SIK2: variants seen among roughly 807,000 people sequenced by gnomAD.
SIK2 encodes the protein serine/threonine-protein kinase SIK2.
SIK2 carries 29 observed loss-of-function variants against 103.2 expected under a neutral mutation model. The ratio of observed to expected loss-of-function variants is 0.28; its 90% CI spans 0.21 to 0.38. SIK2 has a LOEUF of 0.38. Among genes scored for constraint, SIK2 ranks in the 10% least tolerant of loss-of-function variants. SIK2 has a pLI of 1.00. For synonymous variants in SIK2, 412 were observed against 446.1 expected, an observed-to-expected ratio of 0.92 and a Z score of 0.96; for missense variants, 879 against 1,171.0, an observed-to-expected ratio of 0.75 and a Z score of 3.64.
chr11:111,722,055 T>C lies in SIK2; in HGVS notation c.2055+115T>C, dbSNP rs1294700960. On this transcript the variant is annotated intron_variant, in intron 13 of 14. Transcript: ENST00000304987. This position sits in a 1 kb window ranked among gnomAD's most constrained non-coding sequence, Gnocchi z 4.4. Reference sequence around the variant, plus strand: ...TTTAGGGTAGCTGCTTGATTCCTTATAGGCAAGTAGCTTTGACTCTGTACT... The same window carrying C: ...TTTAGGGTAGCTGCTTGATTCCTTACAGGCAAGTAGCTTTGACTCTGTACT... 1.5e-6 allele frequency: 1 copy of C among 682,778 alleles called. No individual in the cohort carries two copies. The highest frequency in any genetic ancestry group is 2.3e-6 in the Non-Finnish European group (1 of 435,854). The allele number at this position is 682,778 out of a possible 1,614,324, so 42.3% of individuals were successfully genotyped here.
Position 111,727,177 on chromosome 11 carries a change from C to T in SIK2, c.*3048C>T, listed in dbSNP as rs570888382. On this transcript the variant is annotated 3_prime_UTR_variant, in exon 15 of 15. Transcript: ENST00000304987. ...CTCTGCCTGCACTGCCTTCTGTCAC[C>T]GTGGGAAAAGGAGGCTGATGGTTCT... 3.2e-4 allele frequency: 257 copies of T among 812,630 alleles called. 1 individual carries two copies. In the African/African-American group the frequency reaches 3.7e-3, roughly 12 times the overall value. 50.3% of individuals were successfully genotyped at this position (812,630 alleles called of 1,614,324 possible).
At chr11:111,635,554 C>T (rs1489522874) in intron 3 of SIK2, among the ~76,000 whole-genome samples, 1 of 151,858 alleles carries the variant, frequency 6.6e-6, no homozygotes, top group Non-Finnish European at 1.5e-5. Flanking sequence ...CAACTTTCTA[C>T]GCCTAAATAG....
chr11:111,709,520 A>C lies in SIK2; in HGVS notation c.1102-2691A>C, dbSNP rs566387068. ...CCAAAGAAGAGATTCAAAGCACTAA[A>C]CATGTGGTCTAAAGAGTGATCACAA... On this transcript the variant is annotated intron_variant, in intron 8 of 14. Transcript: ENST00000304987. Among the ~76,000 whole-genome samples the C allele has an allele frequency of 2.0e-5, 3 of 152,376 alleles. No homozygotes were observed. The East Asian group carries it at 5.8e-4, about 29-fold the overall frequency.
intron 3 of SIK2, chr11:111,672,141 G>A (rs559125592): frequency 9.1e-6 from 4 of 441,774 alleles, no homozygotes; most frequent in East Asian, 1.1e-4. Context: ...GGATGTTGGG[G>A]TCCACTTCCA....
chr11:111,670,528 G>T (rs998692414), intron 3 of SIK2, among the ~76,000 whole-genome samples: 1 of 152,234 alleles, frequency 6.6e-6, no homozygotes, highest in African/African-American at 2.4e-5. Flanking sequence ...AAGTTTAATG[G>T]TCCGCAAAAT....
At chr11:111,716,688 C>G (rs1348333998) in intron 9 of SIK2, among the ~76,000 whole-genome samples, 2 of 152,182 alleles carry the variant, frequency 1.3e-5, no homozygotes, top group Non-Finnish European at 2.9e-5. Context: ...TAATAAAAGA[C>G]ATAATTCCTC....
intron 3 of SIK2, among the ~76,000 whole-genome samples, chr11:111,640,240 G>A (rs931376722): frequency 3.9e-5 from 6 of 152,156 alleles, no homozygotes; most frequent in African/African-American, 1.4e-4. Context: ...CCAGTTGCTA[G>A]TCCATCAGTT....
At chr11:111,639,525 T>C (rs1418830326) in intron 3 of SIK2, among the ~76,000 whole-genome samples, 1 of 152,240 alleles carries the variant, frequency 6.6e-6, no homozygotes, top group African/African-American at 2.4e-5. Context: ...TTAAATCCGA[T>C]TCATGTTACA....
chr11:111,654,143 G>T (rs1469074686), intron 3 of SIK2, among the ~76,000 whole-genome samples: 1 of 152,104 alleles, frequency 6.6e-6, no homozygotes, highest in East Asian at 1.9e-4. Flanking sequence ...CCTTCCTAAG[G>T]GAATTTCTTT....
rs1941595985 is a variant in SIK2, at chr11:111,602,512, C to T, written c.-52C>T. The stretch of plus-strand genomic sequence containing the variant: ...CGCCCAAGCCAAGCCGCGCTGCCAA[C>T]CCTCCCGCCCGCCCGCGCTCCTGTC... On this transcript the variant is annotated 5_prime_UTR_variant, in exon 1 of 15. Coordinates refer to ENST00000304987, the MANE Select transcript of SIK2 (RefSeq NM_015191.3). This position sits in a 1 kb window ranked among gnomAD's most constrained non-coding sequence, Gnocchi z 4.5. The T allele has an allele frequency of 2.8e-6, 4 of 1,420,280 alleles. No individual in the cohort carries two copies. The South Asian group carries it at 5.9e-5, about 21-fold the overall frequency. The allele number at this position is 1,420,280 out of a possible 1,614,324, so 88.0% of individuals were successfully genotyped here. A position where few individuals can be genotyped will look rare whatever the true frequency, so the allele number is the denominator to read the frequency against.
rs1941804452 is a variant in SIK2 at position 111,616,229 on chromosome 11, G to T, written c.136-14G>T. 6.5e-7 allele frequency: 1 copy of T among 1,540,076 alleles called. No homozygotes were observed. ...TTGTATACTAATTGTATTTATTTGT[G>T]TTCTGGGATGCAGGTGGCAATAAAA... On this transcript the variant is annotated splice_polypyrimidine_tract_variant and intron_variant, in intron 1 of 14. Coordinates refer to ENST00000304987, the MANE Select transcript of SIK2 (RefSeq NM_015191.3).
intron 3 of SIK2, among the ~76,000 whole-genome samples, chr11:111,643,378 G>C (rs1487427988): frequency 1.3e-5 from 2 of 151,938 alleles, no homozygotes; most frequent in African/African-American, 2.4e-5. Context: ...AAACCTAGAT[G>C]ATGGGTTGAT....
chr11:111,722,032 T>C lies in SIK2; in HGVS notation c.2055+92T>C. 1 of 964,268 alleles carries C rather than the reference T, an allele frequency of 1.0e-6. No individual in the cohort carries two copies. The highest frequency in any genetic ancestry group is 1.5e-6 in the Non-Finnish European group (1 of 676,092). 59.7% of individuals were successfully genotyped at this position (964,268 alleles called of 1,614,324 possible). On this transcript the variant is annotated intron_variant, in intron 13 of 14. Coordinates refer to ENST00000304987, the MANE Select transcript of SIK2 (RefSeq NM_015191.3). This position sits in a 1 kb window ranked among gnomAD's most constrained non-coding sequence, Gnocchi z 4.4. ...AAACGTGTTTTGCCTGGCATTTATT[T>C]AGGGTAGCTGCTTGATTCCTTATAG... is the stretch of plus-strand genomic sequence containing the variant.
intron 3 of SIK2, among the ~76,000 whole-genome samples, chr11:111,683,812 T>C (rs1672322508): frequency 1.3e-5 from 2 of 152,224 alleles, no homozygotes; most frequent in Admixed American, 6.5e-5. Flanking sequence ...TTCAAGACCA[T>C]GTGCGTTAAC....
intron 3 of SIK2, among the ~76,000 whole-genome samples, chr11:111,652,818 A>C (rs2135864896): frequency 6.6e-6 from 1 of 152,304 alleles, no homozygotes; most frequent in Non-Finnish European, 1.5e-5. Flanking sequence ...TGATAAAATA[A>C]ATTTGCTCAT....
intron 1 of SIK2, among the ~76,000 whole-genome samples, chr11:111,604,758 C>T (rs1941626140): frequency 6.6e-6 from 1 of 152,116 alleles, no homozygotes; most frequent in South Asian, 2.1e-4. Flanking sequence ...GTCCGCAGAA[C>T]CCATTTCCCT....
intron 4 of SIK2, among the ~76,000 whole-genome samples, chr11:111,689,144 G>T (rs1364048837): frequency 2.6e-5 from 4 of 152,138 alleles, no homozygotes; most frequent in Non-Finnish European, 4.4e-5. Flanking sequence ...TTCAAAACTG[G>T]TTACATGTAA....
At chr11:111,712,726 C>G (rs1362378909) in intron 9 of SIK2, among the ~76,000 whole-genome samples, 1 of 152,106 alleles carries the variant, frequency 6.6e-6, no homozygotes, top group African/African-American at 2.4e-5. Context: ...ATGCTGAAAA[C>G]AAAAAAATTA....
At position 111,730,035 on chromosome 11, in the gene SIK2, G is replaced by A. The variant is rs1944132932; in HGVS notation, c.*5906G>A. On this transcript the variant is annotated 3_prime_UTR_variant, in exon 15 of 15. Coordinates refer to ENST00000304987, the MANE Select transcript of SIK2 (RefSeq NM_015191.3). ...CACCCCAGGAACGGTCATGAACTCA[G>A]CCTTTGTCTCAACGAGGGGCGTAAC... The A allele has an allele frequency of 6.6e-6, 1 of 152,270 alleles. No individual in the cohort carries two copies. The highest frequency in any genetic ancestry group is 2.4e-5 in the African/African-American group (1 of 41,456). The allele number at this position is 152,270 out of a possible 1,614,324, so 9.4% of individuals were successfully genotyped here. A position where few individuals can be genotyped will look rare whatever the true frequency, so the allele number is the denominator to read the frequency against.
Sources: gnomAD v4.1 joint callset for allele counts (sites outside exome capture counted in the v4.1 genomes callset) on GRCh38, gnomAD v4.1.1 for gene constraint, Gnocchi (gnomAD v3.1) non-coding constraint, MANE v1.5 for transcripts, NCBI Gene and HGNC (gene_info 2026-07-23, HGNC 2026-07-21) for gene names.